The following LMO7 variants were observed in gnomAD, a reference collection of about 807,000 sequenced individuals.
LMO7 encodes the protein LIM domain only protein 7.
A neutral mutation model predicts 206.5 loss-of-function variants in LMO7; 120 were observed. That is an observed-to-expected ratio of 0.58 (90% confidence interval 0.50 to 0.68). The LOEUF is 0.68. Among genes scored for constraint, LMO7 ranks in the 30% least tolerant of loss-of-function variants. LMO7 has a pLI of 0.00. For synonymous variants in LMO7, 706 were observed against 681.5 expected (o/e 1.04, Z -0.56); for missense variants, 1,959 against 1,957.9 (o/e 1.00, Z -0.01).
intron 14 of LMO7, among the ~76,000 whole-genome samples, chr13:75,822,920 G>T (rs923973865): frequency 6.6e-6 from 1 of 151,140 alleles, no homozygotes; most frequent in African/African-American, 2.4e-5. Context: ...AAGAGTTATA[G>T]ATATTTGTTG....
In LMO7 at chr13:75,805,672, C is replaced by G; in HGVS notation, c.1108C>G (p.Pro370Ala). The change falls in exon 9 of 31, where the codon CCC becomes GCC. Residue 370 changes from proline (P) to alanine (A), a missense_variant. By Grantham distance (27) the Pro-to-Ala change is conservative. Coordinates refer to ENST00000377534, the MANE Select transcript of LMO7 (RefSeq NM_001306080.2). ...NPGNAFDQFLPKCWTPEDVNW... is the reference protein window; with the variant it reads ...NPGNAFDQFLAKCWTPEDVNW... ...AGGGAATGCTTTTGATCAGTTTCTT[C>G]CCAAATGTTGGACCCCAGAAGATGT... 6.2e-7 allele frequency: 1 copy of G among 1,613,984 alleles called. No homozygotes were observed. The highest frequency in any genetic ancestry group is 8.5e-7 in the Non-Finnish European group (1 of 1,179,880).
At chr13:75,663,959 A>G (rs1204748195) in intron 1 of LMO7, among the ~76,000 whole-genome samples, 1 of 152,140 alleles carries the variant, frequency 6.6e-6, no homozygotes, top group Non-Finnish European at 1.5e-5. Flanking sequence ...CCATCACTTC[A>G]AGCATTTATC....
chr13:75,695,877 A>C (rs1387882870), intron 1 of LMO7, among the ~76,000 whole-genome samples: 1 of 152,170 alleles, frequency 6.6e-6, no homozygotes, highest in East Asian at 1.9e-4. Context: ...TTACTTGATG[A>C]TGTGTTTTAA....
rs1010250402 is a variant in LMO7 at position 75,748,077 on chromosome 13, G to A, written c.211-12855G>A. 4.6e-5 allele frequency among the ~76,000 whole-genome samples: 7 copies of A among 152,090 alleles called. No individual in the cohort carries two copies. In the East Asian group the frequency reaches 1.4e-3, roughly 29 times the overall value. On this transcript the variant is annotated intron_variant, in intron 3 of 30. Coordinates refer to ENST00000377534, the MANE Select transcript of LMO7 (RefSeq NM_001306080.2). The stretch of plus-strand genomic sequence containing the variant: ...GCTGACTTTGAAGACGGAGGAACAG[G>A]GTTATGAGCCAAGGAATGCAGGTGG...
In LMO7 at chr13:75,858,137, G is replaced by GTAAT. The variant is rs2061113513; in HGVS notation, c.*196_*199dup. On this transcript the variant is annotated 3_prime_UTR_variant, in exon 31 of 31. Transcript: ENST00000377534. ...AGTATTTTTGTTGTTTATTTATAAG[G>GTAAT]TAATTGTGTGTGGGGAAAAGTGCAG... 2.0e-6 allele frequency: 1 copy of GTAAT among 498,320 alleles called. No individual in the cohort carries two copies. Among genetic ancestry groups the GTAAT allele is most frequent in the African/African-American group, 2.0e-5 (1 of 50,060 alleles). The allele number at this position is 498,320 out of a possible 1,614,324, so 30.9% of individuals were successfully genotyped here.
chr13:75,670,109 C>CTATGAAA (rs2039428534), intron 1 of LMO7, among the ~76,000 whole-genome samples: 1 of 152,216 alleles, frequency 6.6e-6, no homozygotes, highest in East Asian at 1.9e-4. Context: ...ATACATACAC[C>CTATGAAA]TCTCTCCTCC....
At chr13:75,694,566 C>T (rs2041760994) in intron 1 of LMO7, among the ~76,000 whole-genome samples, 1 of 152,048 alleles carries the variant, frequency 6.6e-6, no homozygotes, top group South Asian at 2.1e-4. Flanking sequence ...GTCACATCTG[C>T]CAGAGAAGCC....
chr13:75,795,583 A>G lies in LMO7; in HGVS notation c.348+152A>G, dbSNP rs1595070140. The G allele has an allele frequency of 5.2e-6, 3 of 577,432 alleles. No homozygotes were observed. In the East Asian group the frequency reaches 9.3e-5, roughly 18 times the overall value. The allele number at this position is 577,432 out of a possible 1,614,324, so 35.8% of individuals were successfully genotyped here. A position where few individuals can be genotyped will look rare whatever the true frequency, so the allele number is the denominator to read the frequency against. On this transcript the variant is annotated intron_variant, in intron 5 of 30. Coordinates refer to ENST00000377534, the MANE Select transcript of LMO7 (RefSeq NM_001306080.2). ...AGTTACAAACAGTAAATATGTTTAA[A>G]TATATGCATTACAATATATGGTTAG...
At chr13:75,760,414 CA>C (rs2048060121) in intron 3 of LMO7, 1 of 1,094,544 alleles carries the variant, frequency 9.1e-7, no homozygotes, top group African/African-American at 1.6e-5. Flanking sequence ...GCTCAACAAC[CA>C]AACCCAGATT....
At chr13:75,657,345 T>A (rs1028502549) in intron 1 of LMO7, among the ~76,000 whole-genome samples, 1 of 152,344 alleles carries the variant, frequency 6.6e-6, no homozygotes, top group East Asian at 1.9e-4. Flanking sequence ...CAGCAAACAC[T>A]CATCATCACT....
chr13:75,666,052 CTAA>C (rs1288453103), intron 1 of LMO7, among the ~76,000 whole-genome samples: 2 of 152,112 alleles, frequency 1.3e-5, no homozygotes, highest in African/African-American at 4.8e-5. Flanking sequence ...ATAGAATATT[CTAA>C]TGTTTTCTGA....
intron 1 of LMO7, among the ~76,000 whole-genome samples, chr13:75,638,357 TTGTA>T (rs2036181306): frequency 1.3e-5 from 2 of 152,096 alleles, no homozygotes; most frequent in Non-Finnish European, 2.9e-5. Flanking sequence ...TCCAAGAAAT[TTGTA>T]TGTAATGAAT....
At chr13:75,748,237 T>C (rs1206026018) in intron 3 of LMO7, among the ~76,000 whole-genome samples, 1 of 152,202 alleles carries the variant, frequency 6.6e-6, no homozygotes. Flanking sequence ...AACTGTAAGA[T>C]AATAAAATTG....
chr13:75,741,614 G>C (rs2046418066), intron 3 of LMO7, among the ~76,000 whole-genome samples: 1 of 152,160 alleles, frequency 6.6e-6, no homozygotes, highest in Non-Finnish European at 1.5e-5. Context: ...CACATAAACA[G>C]AACTAAAGGC....
At chr13:75,771,564 T>TAAAGACTTTAAAAACAGAATTTTA in intron 4 of LMO7, among the ~76,000 whole-genome samples, 1 of 152,220 alleles carries the variant, frequency 6.6e-6, no homozygotes, top group Non-Finnish European at 1.5e-5. Flanking sequence ...ACAGAATTTT[T>TAAAGACTTTAAAAACAGAATTTTA]AAAGACTTTA....
intron 24 of LMO7, among the ~76,000 whole-genome samples, chr13:75,842,310 T>G (rs1480495952): frequency 4.6e-5 from 7 of 152,144 alleles, no homozygotes; most frequent in Non-Finnish European, 1.0e-4. Context: ...GTTTCTTCCT[T>G]GAAAATACCC....
rs1045160272 is a variant in LMO7 at position 75,858,626 on chromosome 13, G to A, written c.*683G>A. On this transcript the variant is annotated 3_prime_UTR_variant, in exon 31 of 31. Transcript: ENST00000377534. ...TACTAGAAGTCTTCTTCAGAAACTG[G>A]TGAGCCTTTCTGTTCAATTGCATTT... is the stretch of plus-strand genomic sequence containing the variant. 1 of 152,558 alleles carries A rather than the reference G, an allele frequency of 6.6e-6. No homozygotes were observed. Among genetic ancestry groups the A allele is most frequent in the African/African-American group, 2.4e-5 (1 of 41,418 alleles). 9.5% of individuals were successfully genotyped at this position (152,558 alleles called of 1,614,324 possible).
intron 2 of LMO7, among the ~76,000 whole-genome samples, chr13:75,722,455 G>A (rs1455031103): frequency 6.6e-6 from 1 of 152,016 alleles, no homozygotes; most frequent in Non-Finnish European, 1.5e-5. Flanking sequence ...GTACAGCATC[G>A]CTAATAATCA....
chr13:75,840,070 T>C lies in LMO7; in HGVS notation c.3452-15T>C, dbSNP rs758079742. On this transcript the variant is annotated splice_polypyrimidine_tract_variant and intron_variant, in intron 20 of 30. Coordinates refer to ENST00000377534, the MANE Select transcript of LMO7 (RefSeq NM_001306080.2). ...ATTGTATATTTTTCTTCCTTGCCCA[T>C]GTGCTGCAACACAGGAAGCTCTGAT... The C allele has an allele frequency of 3.0e-5, 48 of 1,613,304 alleles. No homozygotes were observed. The South Asian group carries it at 3.4e-4, about 11-fold the overall frequency.
Sources: allele counts gnomAD v4.1 joint callset (sites outside exome capture counted in the v4.1 genomes callset), GRCh38; gene constraint gnomAD v4.1.1; transcripts MANE v1.5; gene names NCBI Gene and HGNC (gene_info 2026-07-23, HGNC 2026-07-21).